The following FARP1 variants were observed in gnomAD, a reference collection of about 807,000 sequenced individuals.
FARP1 encodes the protein FERM, ARH/RhoGEF and pleckstrin domain protein 1.
Under a neutral mutation model 128.8 loss-of-function variants are expected in FARP1, and 52 were observed. The ratio of observed to expected loss-of-function variants is 0.40; its 90% CI spans 0.32 to 0.51. FARP1 has a LOEUF of 0.51. FARP1 is among the 20% of genes least tolerant of loss of function. The pLI, the probability that FARP1 is intolerant of heterozygous loss-of-function variation, is 0.45. For synonymous variants in FARP1, 580 were observed against 551.8 expected (o/e 1.05, Z -0.72); for missense variants, 1,333 against 1,367.9 (o/e 0.97, Z 0.40).
intron 11 of FARP1, among the ~76,000 whole-genome samples, chr13:98,391,584 A>T (rs1222630777): frequency 6.6e-6 from 1 of 152,174 alleles, no homozygotes; most frequent in East Asian, 1.9e-4. Context: ...AACAGGATTT[A>T]TTATTATTAT....
At chr13:98,447,848 A>C in intron 26 of FARP1, 1 of 207,036 alleles carries the variant, frequency 4.8e-6, no homozygotes, top group South Asian at 8.5e-5. Flanking sequence ...CTGTCTCAAA[A>C]AAAAAAGAAA....
At chr13:98,372,524 G>A (rs2139992358) in intron 5 of FARP1, among the ~76,000 whole-genome samples, 1 of 152,220 alleles carries the variant, frequency 6.6e-6, no homozygotes, top group South Asian at 2.1e-4. Flanking sequence ...GTTCTTATAG[G>A]TGAGGGGACC....
At position 98,439,725 on chromosome 13, in the gene FARP1, GGA is replaced by G. The variant is rs1481291271; in HGVS notation, c.2434-230_2434-229del. Among the ~76,000 whole-genome samples, 15 of 152,344 alleles carry G rather than the reference GGA, an allele frequency of 9.8e-5. No individual in the cohort carries two copies. The South Asian group carries it at 1.0e-3, about 11-fold the overall frequency. ...GGTGCCCACGCTGTCCTCCGGGATT[GGA>G]GAGAGGGAAGTTTGTGGGCTCTGCC... On this transcript the variant is annotated intron_variant, in intron 21 of 26. Transcript: ENST00000319562.
chr13:98,313,109 TACACACACAC>T (rs10565192), intron 2 of FARP1, among the ~76,000 whole-genome samples: 26 of 138,358 alleles, frequency 1.9e-4, no homozygotes, highest in African/African-American at 3.3e-4. Context: ...TGGGTCATAA[TACACACACAC>T]ACACACACAC....
intron 24 of FARP1, chr13:98,445,281 C>CT (rs1222871946): frequency 1.4e-4 from 22 of 152,274 alleles, no homozygotes; most frequent in Admixed American, 1.4e-3. Context: ...CATTAAGTGC[C>CT]TTTACAAGGT....
rs549931556 is a variant in FARP1 at position 98,439,144 on chromosome 13, C to T, written c.2381C>T (p.Thr794Met). ...CTGCTATACACGAGCCGGGGGCTGACGGCCTCCAATCAGTTTAAAGTCCAC... is the reference window on the plus strand; with the variant it reads ...CTGCTATACACGAGCCGGGGGCTGATGGCCTCCAATCAGTTTAAAGTCCAC... ...DVLLYTSRGLTASNQFKVHGQ... is the reference protein window; with the variant it reads ...DVLLYTSRGLMASNQFKVHGQ... Residue 794 changes from threonine (T) to methionine (M), a missense_variant, in exon 21 of 27, where the codon ACG becomes ATG. By Grantham distance (81) the Thr-to-Met change is moderately conservative (BLOSUM62 -1). Transcript: ENST00000319562. The T allele has an allele frequency of 1.5e-5, 24 of 1,613,894 alleles. No homozygotes were observed. The Admixed American group carries it at 1.8e-4, about 12-fold the overall frequency.
chr13:98,386,749 G>GA (rs1385220139), intron 8 of FARP1, among the ~76,000 whole-genome samples: 2 of 151,284 alleles, frequency 1.3e-5, no homozygotes, highest in Non-Finnish European at 3.0e-5. Context: ...ATATGTTCAG[G>GA]ACCTAAAACC....
At chr13:98,260,968 C>A (rs1239670697) in intron 2 of FARP1, among the ~76,000 whole-genome samples, 1 of 152,160 alleles carries the variant, frequency 6.6e-6, no homozygotes. Context: ...GGGAGACTTG[C>A]AGGATCCTGG....
rs568666529 is a variant in FARP1, at chr13:98,421,801, T to C, written c.1827-2771T>C. 1.8e-4 allele frequency among the ~76,000 whole-genome samples: 28 copies of C among 152,112 alleles called. No individual in the cohort carries two copies. In the South Asian group the frequency reaches 5.8e-3, roughly 32 times the overall value. On this transcript the variant is annotated intron_variant, in intron 16 of 26. Transcript: ENST00000319562. The stretch of plus-strand genomic sequence containing the variant: ...CCAGGAGTTGGAGGCTGCAGTGAGC[T>C]ATGATGATACCACCACACTCCACCC...
intron 1 of FARP1, among the ~76,000 whole-genome samples, chr13:98,198,348 A>G (rs1215623930): frequency 6.6e-6 from 1 of 152,180 alleles, no homozygotes; most frequent in Non-Finnish European, 1.5e-5. Flanking sequence ...AGCAACCACA[A>G]TGTTTTTCTG....
intron 1 of FARP1, among the ~76,000 whole-genome samples, chr13:98,212,100 G>T (rs909588686): frequency 3.3e-5 from 5 of 152,182 alleles, no homozygotes; most frequent in Non-Finnish European, 2.9e-5. Context: ...TTGTCCCCCA[G>T]GCTGGAGTGC....
chr13:98,217,691 G>A (rs1267869213), intron 2 of FARP1, among the ~76,000 whole-genome samples: 1 of 152,150 alleles, frequency 6.6e-6, no homozygotes, highest in Non-Finnish European at 1.5e-5. Flanking sequence ...AGTCCTCGGC[G>A]GTTTGTTTTC....
intron 17 of FARP1, among the ~76,000 whole-genome samples, chr13:98,427,682 A>C (rs1306621606): frequency 1.3e-5 from 2 of 152,222 alleles, no homozygotes; most frequent in Non-Finnish European, 2.9e-5. Flanking sequence ...CCAGCGCAGA[A>C]GACCACCTAA....
intron 2 of FARP1, among the ~76,000 whole-genome samples, chr13:98,261,127 G>A (rs1446503206): frequency 6.6e-6 from 1 of 152,244 alleles, no homozygotes; most frequent in Non-Finnish European, 1.5e-5. Flanking sequence ...GGTGACAGCT[G>A]TTGATGGGGC....
chr13:98,311,897 A>C (rs897841239), intron 2 of FARP1, among the ~76,000 whole-genome samples: 4 of 142,478 alleles, frequency 2.8e-5, no homozygotes, highest in Admixed American at 1.4e-4. Flanking sequence ...AGGCTGGAGT[A>C]TAGTGGCACG....
chr13:98,282,377 G>T (rs753269257), intron 2 of FARP1, among the ~76,000 whole-genome samples: 1 of 152,156 alleles, frequency 6.6e-6, no homozygotes, highest in Non-Finnish European at 1.5e-5. Flanking sequence ...GGACATAGAA[G>T]GTTGGAAAGA....
rs559981560 is a variant in FARP1, at chr13:98,216,007, T to G, written c.171+2594T>G. ...GCTTTTACCATGTTGACCAGGATGG[T>G]CTTGATCTCCTGACCTCGTGATCCG... On this transcript the variant is annotated intron_variant, in intron 2 of 26. Transcript: ENST00000319562. Among the ~76,000 whole-genome samples the G allele has an allele frequency of 1.8e-4, 27 of 152,304 alleles. No homozygotes were observed. The South Asian group carries it at 4.4e-3, about 25-fold the overall frequency.
At position 98,448,630 on chromosome 13, in the gene FARP1, A is replaced by G. The variant is rs1175592846; in HGVS notation, c.*313A>G. 1 of 314,020 alleles carries G rather than the reference A, an allele frequency of 3.2e-6. No homozygotes were observed. Among genetic ancestry groups the G allele is most frequent in the South Asian group, 4.4e-5 (1 of 22,864 alleles). 19.5% of individuals were successfully genotyped at this position (314,020 alleles called of 1,614,324 possible). On this transcript the variant is annotated 3_prime_UTR_variant, in exon 27 of 27. Coordinates refer to ENST00000319562, the MANE Select transcript of FARP1 (RefSeq NM_005766.4). ...CCTGCCCCTGAAAAACAGTACACAC[A>G]CATCCGTTCAACACAAGACAGGGCA... is the stretch of plus-strand genomic sequence containing the variant.
chr13:98,355,101 G>A (rs1477826431), intron 3 of FARP1, among the ~76,000 whole-genome samples: 9 of 152,112 alleles, frequency 5.9e-5, no homozygotes, highest in African/African-American at 1.9e-4. Context: ...TAATCCTAGC[G>A]CTTTGGGTGG....
Sources: allele counts gnomAD v4.1 joint callset (sites outside exome capture counted in the v4.1 genomes callset), GRCh38; gene constraint gnomAD v4.1.1; transcripts MANE v1.5; gene names NCBI Gene and HGNC (gene_info 2026-07-23, HGNC 2026-07-21).